Variants in MAN1B1 observed in about 807,000 individuals in gnomAD.
The protein encoded by MAN1B1 is endoplasmic reticulum mannosyl-oligosaccharide 1,2-alpha-mannosidase.
In MAN1B1, 66 loss-of-function variants were observed where a neutral mutation model predicts 75.5. The observed-to-expected ratio is 0.87, with a 90% CI of 0.72 to 1.07. MAN1B1 has a LOEUF of 1.07. Ranked by LOEUF, MAN1B1 falls within the 50% of genes least tolerant of loss-of-function variation. The pLI is 0.00. For synonymous variants in MAN1B1, 453 were observed against 382.8 expected, an observed-to-expected ratio of 1.18 and a Z score of -2.14; for missense variants, 973 against 912.5, an observed-to-expected ratio of 1.07 and a Z score of -0.85.
chr9:137,087,153 G>T lies in MAN1B1; in HGVS notation c.154G>T (p.Val52Leu). 6.3e-7 allele frequency: 1 copy of T among 1,594,810 alleles called. No homozygotes were observed. The highest frequency in any genetic ancestry group is 1.1e-5 in the South Asian group (1 of 88,244). Residue 52 changes from valine to leucine, a missense_variant, in exon 1 of 13, where the codon GTG (valine) becomes TTG (leucine). Transcript: ENST00000371589. ...GCCGCCTCATCGGGACTTCATCTCGGTGACGCTGAGCTTTGGCGAGAACTA... is the reference window on the plus strand; with the variant it reads ...GCCGCCTCATCGGGACTTCATCTCGTTGACGCTGAGCTTTGGCGAGAACTA... ...PPPPHRDFISVTLSFGENYDN... is the reference protein window; with the variant it reads ...PPPPHRDFISLTLSFGENYDN...
chr9:137,088,422 C>T, intron 2 of MAN1B1: 1 of 1,559,578 alleles, frequency 6.4e-7, no homozygotes, highest in East Asian at 2.4e-5. Flanking sequence ...TGTCCAGCCT[C>T]CCTTATAGAG....
At chr9:137,102,237 A>T in intron 8 of MAN1B1, 1 of 418,880 alleles carries the variant, frequency 2.4e-6, no homozygotes, top group Non-Finnish European at 4.7e-6. Context: ...GTGGTGGTAC[A>T]CACATTCATG....
At chr9:137,107,712 A>G in intron 12 of MAN1B1, 50 bp downstream of exon 12, 1 of 1,610,226 alleles carries the variant, frequency 6.2e-7, no homozygotes, top group East Asian at 2.2e-5. Context: ...GGCCACAGGC[A>G]CGGCTGGGCT....
intron 1 of MAN1B1, chr9:137,087,430 G>C: frequency 1.4e-6 from 1 of 721,300 alleles, no homozygotes; most frequent in South Asian, 1.5e-5. Flanking sequence ...CAAATTCTGC[G>C]GGGCGGTGGT....
At chr9:137,093,657 C>T (rs1428426736) in intron 3 of MAN1B1, among the ~76,000 whole-genome samples, 4 of 151,834 alleles carry the variant, frequency 2.6e-5, no homozygotes, top group Admixed American at 6.6e-5. Context: ...AGTGAAACCC[C>T]GTCTCTACTA....
chr9:137,103,281 G>A lies in MAN1B1; in HGVS notation c.1254+1609G>A, dbSNP rs62584558. 7.6e-3 allele frequency: 3,322 copies of A among 436,942 alleles called. 134 individuals carry two copies. The highest frequency in any genetic ancestry group is 3.2e-3 in the Non-Finnish European group (707 of 221,162). 27.1% of individuals were successfully genotyped at this position (436,942 alleles called of 1,614,324 possible). On this transcript the variant is annotated intron_variant, in intron 8 of 12. Transcript: ENST00000371589. ...GTGTTACACACATGCTGTTGCAGGCGTGCAGGTCGGTGGTACATTCATGCT... is the reference window on the plus strand; with the variant it reads ...GTGTTACACACATGCTGTTGCAGGCATGCAGGTCGGTGGTACATTCATGCT...
At chr9:137,101,761 G>T in intron 8 of MAN1B1, 89 bp downstream of exon 8, 1 of 1,418,642 alleles carries the variant, frequency 7.0e-7, no homozygotes, top group African/African-American at 1.4e-5. Flanking sequence ...GTGTGTATGT[G>T]CATGTGTGTT....
chr9:137,106,483 C>A (rs1195286389), intron 9 of MAN1B1, 168 bp downstream of exon 9: 1 of 936,842 alleles, frequency 1.1e-6, no homozygotes, highest in Non-Finnish European at 1.6e-6. Flanking sequence ...ATGTGGAGGG[C>A]GTATTCATTC....
intron 9 of MAN1B1, 51 bp from the exon 10 acceptor site, chr9:137,106,638 G>A (rs556149907): frequency 1.3e-5 from 21 of 1,611,774 alleles, no homozygotes; most frequent in South Asian, 4.4e-5. Flanking sequence ...GGTGCCCCAC[G>A]GGAGCCGATG....
chr9:137,098,443 G>A lies in MAN1B1; in HGVS notation c.730+506G>A, dbSNP rs560603554. On this transcript the variant is annotated intron_variant, in intron 5 of 12. Transcript: ENST00000371589. ...GCTGAGGACAGCCACCCCCAGAGTC[G>A]TTTGCTTGTCTGTGGGGGCTCATGG... Among the ~76,000 whole-genome samples the A allele has an allele frequency of 7.9e-5, 12 of 152,312 alleles. No homozygotes were observed. The South Asian group carries it at 1.9e-3, about 24-fold the overall frequency.
In MAN1B1 at chr9:137,099,710, C is replaced by G. The variant is rs766808208; in HGVS notation, c.745C>G (p.Arg249Gly). 1.2e-6 allele frequency: 2 copies of G among 1,614,224 alleles called. No homozygotes were observed. The highest frequency in any genetic ancestry group is 1.7e-6 in the Non-Finnish European group (2 of 1,180,044). The change falls in exon 6 of 13, where the codon CGC (arginine) becomes GGC (glycine). Residue 249 changes from arginine to glycine, a missense_variant. Transcript: ENST00000371589. Reference sequence around the variant, plus strand: ...CCCCCTACTAGTGCATCTGAACTATCGCCAGAAGGGCGTGATTGACGTCTT... The same window carrying G: ...CCCCCTACTAGTGCATCTGAACTATGGCCAGAAGGGCGTGATTGACGTCTT... ...TQGTPVHLNY[R>G]QKGVIDVFLH...
chr9:137,097,101 G>A (rs1830672756), intron 4 of MAN1B1, among the ~76,000 whole-genome samples: 1 of 152,214 alleles, frequency 6.6e-6, no homozygotes, highest in Admixed American at 6.5e-5. Flanking sequence ...TGCATGTGAG[G>A]GGTCCTCACG....
rs3750518 is a variant in MAN1B1, at chr9:137,088,416, C to T, written c.328+233C>T. 626,008 of 1,564,906 alleles carry T rather than the reference C, an allele frequency of 0.4. 128,339 individuals carry two copies. The highest frequency in any genetic ancestry group is 0.64 in the East Asian group (27,061 of 42,004). On this transcript the variant is annotated intron_variant, in intron 2 of 12. Transcript: ENST00000371589. ...TCTCTGGTGTAAGTACTGATATGTC[C>T]AGCCTCCCTTATAGAGTAAGTCAGC...
Position 137,106,359 on chromosome 9 carries a change from T to C in MAN1B1, c.1445+44T>C, listed in dbSNP as rs1447420368. 3 of 1,505,074 alleles carry C rather than the reference T, an allele frequency of 2.0e-6. No homozygotes were observed. The African/African-American group carries it at 4.2e-5, about 21-fold the overall frequency. The allele number at this position is 1,505,074 out of a possible 1,614,324, so 93.2% of individuals were successfully genotyped here. A position where few individuals can be genotyped will look rare whatever the true frequency, so the allele number is the denominator to read the frequency against. ...CCCCCAGCTCCCGCGGCTCCCCCGT[T>C]CCCGCAGCCCCCCACTCCTGCTGCC... On this transcript the variant is annotated intron_variant, in intron 9 of 12. Transcript: ENST00000371589.
chr9:137,088,998 C>T lies in MAN1B1; in HGVS notation c.458C>T (p.Ser153Leu), dbSNP rs754933555. 5.7e-5 allele frequency: 92 copies of T among 1,613,826 alleles called. No individual in the cohort carries two copies. The highest frequency in any genetic ancestry group is 1.5e-4 in the Admixed American group (9 of 59,994). ...DTDPENLPEI[S>L]SQKTQRHIQR... is the part of the protein sequence containing the mutation. ...GACCCTGAGAACTTACCTGAGATTTCGTCACAGGTACTTTGAGCAAATGGT... is the reference window on the plus strand; with the variant it reads ...GACCCTGAGAACTTACCTGAGATTTTGTCACAGGTACTTTGAGCAAATGGT... The change falls in exon 3 of 13, where the codon TCG becomes TTG. Residue 153 changes from serine (S) to leucine (L), a missense_variant. Coordinates refer to ENST00000371589, the MANE Select transcript of MAN1B1 (RefSeq NM_016219.5).
intron 5 of MAN1B1, among the ~76,000 whole-genome samples, chr9:137,099,174 C>T (rs553780457): frequency 4.9e-4 from 75 of 152,390 alleles, no homozygotes; most frequent in Non-Finnish European, 8.1e-4. Flanking sequence ...AGCGCGTGTG[C>T]ACAGTGCGAT....
intron 1 of MAN1B1, 94 bp downstream of exon 1, chr9:137,087,312 C>T (rs1830399160): frequency 7.2e-7 from 1 of 1,383,924 alleles, no homozygotes; most frequent in African/African-American, 1.4e-5. Flanking sequence ...CGGGCGGACT[C>T]GACTCCCCAG....
At chr9:137,100,316 G>A (rs1830773711) in intron 6 of MAN1B1, among the ~76,000 whole-genome samples, 1 of 152,202 alleles carries the variant, frequency 6.6e-6, no homozygotes, top group Non-Finnish European at 1.5e-5. Flanking sequence ...TTTTGAATAG[G>A]TTGAAGACCA....
Position 137,108,759 on chromosome 9 carries a change from AGTGAGGCCGTCAGTCTTG to A in MAN1B1, c.*172_*189del. 2 of 727,494 alleles carry A rather than the reference AGTGAGGCCGTCAGTCTTG, an allele frequency of 2.7e-6. No homozygotes were observed. Among genetic ancestry groups the A allele is most frequent in the South Asian group, 2.9e-5 (2 of 68,780 alleles). 45.1% of individuals were successfully genotyped at this position (727,494 alleles called of 1,614,324 possible). A position where few individuals can be genotyped will look rare whatever the true frequency, so the allele number is the denominator to read the frequency against. On this transcript the variant is annotated 3_prime_UTR_variant, in exon 13 of 13. Transcript: ENST00000371589. ...CTTTAATCAGGACACCGTGAGGACA[AGTGAGGCCGTCAGTCTTG>A]GTGTGATGCGGGGTGGGCTGGGCCG...
Sources: allele counts gnomAD v4.1 joint callset (sites outside exome capture counted in the v4.1 genomes callset), GRCh38; gene constraint gnomAD v4.1.1; transcripts MANE v1.5; gene names NCBI Gene and HGNC (gene_info 2026-07-23, HGNC 2026-07-21).